PRUNE2: variants seen among roughly 807,000 people sequenced by gnomAD.
The protein encoded by PRUNE2 is protein prune homolog 2.
In PRUNE2, 164 loss-of-function variants were observed where a neutral mutation model predicts 252.0. The observed-to-expected ratio is 0.65, with a 90% confidence interval of 0.57 to 0.74. PRUNE2 has a LOEUF of 0.74. Among genes scored for constraint, PRUNE2 ranks in the 30% least tolerant of loss-of-function variants. The probability of loss-of-function intolerance (pLI) is 0.00; values close to 1 mark genes in which losing one functional copy is unlikely to be tolerated. For synonymous variants in PRUNE2, 1,292 were observed against 1,350.2 expected (o/e 0.96, Z 0.94); for missense variants, 3,495 against 3,711.0 (o/e 0.94, Z 1.51).
intron 12 of PRUNE2, 92 bp from the exon 13 acceptor site, chr9:76,638,380 G>C: frequency 3.7e-6 from 3 of 808,156 alleles, no homozygotes; most frequent in Non-Finnish European, 6.2e-6. Context: ...GCCTTGGCAA[G>C]TGTGTCTTTG....
At chr9:76,663,009 C>T (rs2039413673) in intron 9 of PRUNE2, among the ~76,000 whole-genome samples, 1 of 152,200 alleles carries the variant, frequency 6.6e-6, no homozygotes, top group African/African-American at 2.4e-5. Flanking sequence ...AGCCTATGGG[C>T]TGGAGGACTG....
intron 9 of PRUNE2, among the ~76,000 whole-genome samples, chr9:76,656,635 A>G (rs1010876134): frequency 1.3e-5 from 2 of 152,188 alleles, no homozygotes; most frequent in Non-Finnish European, 2.9e-5. Flanking sequence ...ATATCTATTA[A>G]GTGTCTACTA....
intron 1 of PRUNE2, among the ~76,000 whole-genome samples, chr9:76,903,494 T>C (rs866133661): frequency 2.6e-5 from 4 of 152,332 alleles, no homozygotes; most frequent in African/African-American, 7.2e-5. Context: ...TCTGGTCTAA[T>C]AAGGCTTAAG....
At chr9:76,692,088 A>G (rs1185553461) in intron 9 of PRUNE2, 1 of 717,478 alleles carries the variant, frequency 1.4e-6, no homozygotes, top group South Asian at 1.5e-5. Context: ...TGAGGATGAG[A>G]GGAGGCTTTC....
Position 76,846,814 on chromosome 9 carries a change from G to A in PRUNE2, c.345-136C>T, listed in dbSNP as rs192091259. Reference sequence around the variant, plus strand: ...AATATGAGGGAACTCACATGACTCAGAAGACGGGAGCCTTATTCTACGTAT... The same window carrying A: ...AATATGAGGGAACTCACATGACTCAAAAGACGGGAGCCTTATTCTACGTAT... On this transcript the variant is annotated intron_variant, in intron 3 of 18. Transcript: ENST00000376718. 931 of 644,278 alleles carry A rather than the reference G, an allele frequency of 1.4e-3. 7 individuals are homozygous for A. The highest frequency in any genetic ancestry group is 9.1e-3 in the Middle Eastern group (34 of 3,724). 39.9% of individuals were successfully genotyped at this position (644,278 alleles called of 1,614,324 possible).
chr9:76,894,716 G>GGAAAAAAAAAAAAAAA (rs1170899729), intron 1 of PRUNE2, among the ~76,000 whole-genome samples: 1 of 110,710 alleles, frequency 9.0e-6, no homozygotes, highest in East Asian at 2.1e-4. Context: ...ATTTTCTGCA[G>GGAAAAAAAAAAAAAAA]CAAAAAAAAA....
chr9:76,778,854 CAT>C (rs1413524700), intron 6 of PRUNE2: 7 of 152,296 alleles, frequency 4.6e-5, no homozygotes, highest in African/African-American at 1.4e-4. Context: ...CATTCAATCT[CAT>C]AGTTTTGTCA....
At position 76,704,748 on chromosome 9, in the gene PRUNE2, G is replaced by C. The variant is rs756659949; in HGVS notation, c.7513+13C>G. The C allele has an allele frequency of 4.8e-5, 71 of 1,492,156 alleles. No individual in the cohort carries two copies. The highest frequency in any genetic ancestry group is 6.3e-5 in the Non-Finnish European group (70 of 1,105,186). 92.4% of individuals were successfully genotyped at this position (1,492,156 alleles called of 1,614,324 possible). A position where few individuals can be genotyped will look rare whatever the true frequency, so the allele number is the denominator to read the frequency against. Reference sequence around the variant, plus strand: ...GCAGTTTCTTGGAAGTGGAAGAATGGAATGTTTCTTACCATTTGGTGGTCC... The same window carrying C: ...GCAGTTTCTTGGAAGTGGAAGAATGCAATGTTTCTTACCATTTGGTGGTCC... On this transcript the variant is annotated intron_variant, in intron 8 of 18. Coordinates refer to ENST00000376718, the MANE Select transcript of PRUNE2 (RefSeq NM_015225.3).
intron 4 of PRUNE2, among the ~76,000 whole-genome samples, chr9:76,838,055 G>A (rs2059154609): frequency 6.6e-6 from 1 of 152,190 alleles, no homozygotes; most frequent in Non-Finnish European, 1.5e-5. Flanking sequence ...ACAGGTGTGA[G>A]CCACTGTGCC....
chr9:76,724,303 CAAAAAAAA>C (rs796291956), intron 6 of PRUNE2, among the ~76,000 whole-genome samples: 6 of 69,418 alleles, frequency 8.6e-5, no homozygotes, highest in Non-Finnish European at 1.6e-4. Context: ...GATAGAAATA[CAAAAAAAA>C]AAAAAAAAAA....
At position 76,873,601 on chromosome 9, in the gene PRUNE2, C is replaced by T. The variant is rs556706720; in HGVS notation, c.37-19393G>A. ...TGGCTCTTTCGGGCTCCCAACAGCG[C>T]GTCTTCCTCTCAAGCATAATTGAAG... On this transcript the variant is annotated intron_variant, in intron 1 of 18. Coordinates refer to ENST00000376718, the MANE Select transcript of PRUNE2 (RefSeq NM_015225.3). 4.8e-4 allele frequency among the ~76,000 whole-genome samples: 73 copies of T among 152,274 alleles called. 1 individual carries two copies. The highest frequency in any genetic ancestry group is 1.0e-3 in the Non-Finnish European group (68 of 68,030).
At chr9:76,829,806 A>C (rs1344262105) in intron 4 of PRUNE2, among the ~76,000 whole-genome samples, 1 of 151,800 alleles carries the variant, frequency 6.6e-6, no homozygotes, top group Admixed American at 6.6e-5. Flanking sequence ...TCAAAAGTAA[A>C]TCCTCTTGAG....
intron 9 of PRUNE2, among the ~76,000 whole-genome samples, chr9:76,701,441 T>C (rs969012426): frequency 4.6e-5 from 7 of 152,158 alleles, no homozygotes; most frequent in Admixed American, 2.0e-4. Flanking sequence ...GGTGGCACAA[T>C]TGAACACTGA....
Position 76,703,802 on chromosome 9 carries a change from T to A in PRUNE2, c.7811A>T (p.Asn2604Ile), listed in dbSNP as rs1361799108. 2 of 1,613,842 alleles carry A rather than the reference T, an allele frequency of 1.2e-6. No individual in the cohort carries two copies. The highest frequency in any genetic ancestry group is 1.7e-6 in the Non-Finnish European group (2 of 1,179,886). Residue 2604 changes from asparagine (N) to isoleucine (I), a missense_variant, in exon 9 of 19, where the codon AAT (asparagine) becomes ATT (isoleucine). Coordinates refer to ENST00000376718, the MANE Select transcript of PRUNE2 (RefSeq NM_015225.3). ...CTCTGCAGAGAGACCTTTTCTTTCA[T>A]TTAAGGAGGCTGGCTGACATGTGTC... ...FPDTCQPASL[N>I]ERKGLSAEKM...
chr9:76,838,017 C>T (rs941871842), intron 4 of PRUNE2, among the ~76,000 whole-genome samples: 10 of 151,930 alleles, frequency 6.6e-5, no homozygotes, highest in Admixed American at 1.3e-4. Context: ...GTGATCTGCC[C>T]GCCTCAGCCT....
At chr9:76,884,069 T>C (rs2061947216) in intron 1 of PRUNE2, among the ~76,000 whole-genome samples, 1 of 152,194 alleles carries the variant, frequency 6.6e-6, no homozygotes, top group Non-Finnish European at 1.5e-5. Flanking sequence ...CTCATGTTTG[T>C]TTCCCTCTCC....
At chr9:76,672,353 C>G (rs1230152886) in intron 9 of PRUNE2, among the ~76,000 whole-genome samples, 1 of 115,850 alleles carries the variant, frequency 8.6e-6, no homozygotes, top group Non-Finnish European at 1.8e-5. Flanking sequence ...GAAGAGCTAA[C>G]TATCCTAAAT....
At chr9:76,774,211 C>A (rs1343684788) in intron 6 of PRUNE2, among the ~76,000 whole-genome samples, 1 of 152,086 alleles carries the variant, frequency 6.6e-6, no homozygotes. Context: ...TCATAGCTCA[C>A]TGCAGCCTCA....
At chr9:76,882,633 G>T (rs1232246297) in intron 1 of PRUNE2, among the ~76,000 whole-genome samples, 1 of 152,090 alleles carries the variant, frequency 6.6e-6, no homozygotes, top group African/African-American at 2.4e-5. Flanking sequence ...AGAGAGAGGG[G>T]AGGTGCTACA....
Sources: gnomAD v4.1 joint callset for allele counts (sites outside exome capture counted in the v4.1 genomes callset) on GRCh38, gnomAD v4.1.1 for gene constraint, MANE v1.5 for transcripts, NCBI Gene and HGNC (gene_info 2026-07-23, HGNC 2026-07-21) for gene names.